CASZ1: variants seen among roughly 807,000 people sequenced by gnomAD.
CASZ1 encodes the protein castor zinc finger 1, also known as zinc finger protein castor homolog 1.
A neutral mutation model predicts 135.2 loss-of-function variants in CASZ1; 28 were observed. That is an observed-to-expected ratio of 0.21 (90% confidence interval 0.15 to 0.28). The LOEUF (loss-of-function observed/expected upper bound fraction) is 0.28. Ranked by LOEUF, CASZ1 falls within the 10% of genes least tolerant of loss-of-function variation. The pLI, the probability that CASZ1 is intolerant of heterozygous loss-of-function variation, is 1.00. For missense variants in CASZ1, 2,161 were observed against 2,453.3 expected, an observed-to-expected ratio of 0.88 and a Z score of 2.52; for synonymous variants, 1,068 against 1,073.4, an observed-to-expected ratio of 0.99 and a Z score of 0.10.
At chr1:10,785,546 T>A (rs1640844365) in intron 1 of CASZ1, among the ~76,000 whole-genome samples, 1 of 152,196 alleles carries the variant, frequency 6.6e-6, no homozygotes, top group Admixed American at 6.5e-5. Context: ...CCTCATGCCC[T>A]TGCTTCCTTA....
rs59054467 is a variant in CASZ1, at chr1:10,636,655, CAAAAAAA to C, written c.*2280_*2286del. 1.8e-5 allele frequency: 2 copies of C among 113,274 alleles called. No homozygotes were observed. Among genetic ancestry groups the C allele is most frequent in the Non-Finnish European group, 3.8e-5 (2 of 53,270 alleles). The allele number at this position is 113,274 out of a possible 1,614,324, so 7.0% of individuals were successfully genotyped here. A position where few individuals can be genotyped will look rare whatever the true frequency, so the allele number is the denominator to read the frequency against. ...AATGTCAAACCTTGCATCAGTCATG[CAAAAAAA>C]AAAAAAAAAATCAAATAAATAAAAC... On this transcript the variant is annotated 3_prime_UTR_variant, in exon 21 of 21. Coordinates refer to ENST00000377022, the MANE Select transcript of CASZ1 (RefSeq NM_001079843.3).
At position 10,685,674 on chromosome 1, in the gene CASZ1, C is replaced by A. The variant is rs549609778; in HGVS notation, c.16+8200G>T. 5.6e-3 allele frequency among the ~76,000 whole-genome samples: 856 copies of A among 151,692 alleles called. 12 individuals are homozygous for A. Among genetic ancestry groups the A allele is most frequent in the African/African-American group, 0.02 (811 of 40,940 alleles). ...GAGCCACTGATCCTCAGCCCCCGGG[C>A]ACGAAGCTGGCCCCGCATGGCCTGC... On this transcript the variant is annotated intron_variant, in intron 4 of 20. Transcript: ENST00000377022.
At position 10,679,057 on chromosome 1, in the gene CASZ1, C is replaced by T. The variant is rs191888622; in HGVS notation, c.17-13486G>A. 1.2e-4 allele frequency among the ~76,000 whole-genome samples: 19 copies of T among 152,294 alleles called. No individual in the cohort carries two copies. In the East Asian group the frequency reaches 1.9e-3, roughly 16 times the overall value. Reference sequence around the variant, plus strand: ...TGGCTATCTCTGGCCTATGCGTGTCCCCTCACTCTCCTCCATCACTGCTCC... The same window carrying T: ...TGGCTATCTCTGGCCTATGCGTGTCTCCTCACTCTCCTCCATCACTGCTCC... On this transcript the variant is annotated intron_variant, in intron 4 of 20. Coordinates refer to ENST00000377022, the MANE Select transcript of CASZ1 (RefSeq NM_001079843.3). This position sits in a 1 kb window ranked among gnomAD's most constrained non-coding sequence, Gnocchi z 4.7.
Position 10,735,203 on chromosome 1 carries a change from T to C in CASZ1, c.-77+25498A>G, listed in dbSNP as rs1374553097. Among the ~76,000 whole-genome samples the C allele has an allele frequency of 1.3e-5, 2 of 152,236 alleles. No homozygotes were observed. The highest frequency in any genetic ancestry group is 1.9e-4 in the East Asian group (1 of 5,206). ...ATTTACGGCATCACAAAATTAGTTG[T>C]CATGGCGACGGGTTAATTACATCTC... On this transcript the variant is annotated intron_variant, in intron 2 of 20. Transcript: ENST00000377022. This position sits in a 1 kb window ranked among gnomAD's most constrained non-coding sequence, Gnocchi z 5.1.
chr1:10,661,980 T>A lies in CASZ1; in HGVS notation c.506-1444A>T, dbSNP rs115811732. ...ACATACACACTCACATAAACCCAGT[T>A]AATTACATGCACACAATCACATACA... is the stretch of plus-strand genomic sequence containing the variant. On this transcript the variant is annotated intron_variant, in intron 5 of 20. Transcript: ENST00000377022. Among the ~76,000 whole-genome samples, 1,136 of 143,002 alleles carry A rather than the reference T, an allele frequency of 7.9e-3. 16 individuals carry two copies. The highest frequency in any genetic ancestry group is 0.028 in the African/African-American group (1,078 of 38,324). 93.8% of individuals were successfully genotyped at this position (143,002 alleles called of 152,430 possible). A position where few individuals can be genotyped will look rare whatever the true frequency, so the allele number is the denominator to read the frequency against.
At position 10,690,222 on chromosome 1, in the gene CASZ1, T is replaced by G. The variant is rs142195188; in HGVS notation, c.16+3652A>C. On this transcript the variant is annotated intron_variant, in intron 4 of 20. Coordinates refer to ENST00000377022, the MANE Select transcript of CASZ1 (RefSeq NM_001079843.3). The stretch of plus-strand genomic sequence containing the variant: ...AGGTCGAAGGTGTAACCAGAGCTAG[T>G]GAGGTTCCTAGAAGCCTCCACACTT... Among the ~76,000 whole-genome samples the G allele has an allele frequency of 6.2e-3, 939 of 152,308 alleles. 6 individuals carry two copies. The highest frequency in any genetic ancestry group is 0.011 in the Non-Finnish European group (728 of 68,016).
At chr1:10,738,805 T>C (rs1176058909) in intron 2 of CASZ1, among the ~76,000 whole-genome samples, 1 of 151,916 alleles carries the variant, frequency 6.6e-6, no homozygotes, top group Admixed American at 6.6e-5. Context: ...CAGTGATCTA[T>C]ATGCAAATAT....
rs1326284962 is a variant in CASZ1 at position 10,719,209 on chromosome 1, C to A, written c.-76-13665G>T. 6.6e-6 allele frequency among the ~76,000 whole-genome samples: 1 copy of A among 152,224 alleles called. No homozygotes were observed. Among genetic ancestry groups the A allele is most frequent in the South Asian group, 2.1e-4 (1 of 4,838 alleles). Reference sequence around the variant, plus strand: ...CTGGGATTACAGGCGTGAGCCACCGCACCCGGCCCCGTGCCCCTTTCTTGT... The same window carrying A: ...CTGGGATTACAGGCGTGAGCCACCGAACCCGGCCCCGTGCCCCTTTCTTGT... On this transcript the variant is annotated intron_variant, in intron 2 of 20. Coordinates refer to ENST00000377022, the MANE Select transcript of CASZ1 (RefSeq NM_001079843.3). The surrounding 1 kb of genome is among the most constrained non-coding windows in gnomAD (Gnocchi z 4.0).
chr1:10,790,257 C>T (rs1640932607), intron 1 of CASZ1, among the ~76,000 whole-genome samples: 1 of 152,258 alleles, frequency 6.6e-6, no homozygotes, highest in Non-Finnish European at 1.5e-5. Flanking sequence ...TTCCAGCCTG[C>T]ACCCTCCCAA....
chr1:10,766,646 T>C (rs958339339), intron 1 of CASZ1, among the ~76,000 whole-genome samples: 2 of 152,190 alleles, frequency 1.3e-5, no homozygotes, highest in Non-Finnish European at 2.9e-5. Context: ...AAGCATTTGA[T>C]AAATCAATCA....
At position 10,776,227 on chromosome 1, in the gene CASZ1, CAT is replaced by C. The variant is rs1557565107; in HGVS notation, c.-233-15372_-233-15371del. ...TATCCAGGGGAAGAGCTAAAATTAA[CAT>C]AGAGCGAGCAGTGTTTGCTATTACA... On this transcript the variant is annotated intron_variant, in intron 1 of 20. Transcript: ENST00000377022. The surrounding 1 kb of genome is among the most constrained non-coding windows in gnomAD (Gnocchi z 4.1). 1.3e-5 allele frequency among the ~76,000 whole-genome samples: 2 copies of C among 152,248 alleles called. No homozygotes were observed. The highest frequency in any genetic ancestry group is 2.9e-5 in the Non-Finnish European group (2 of 68,042).
rs1639237314 is a variant in CASZ1 at position 10,709,300 on chromosome 1, C to T, written c.-76-3756G>A. 6.6e-6 allele frequency among the ~76,000 whole-genome samples: 1 copy of T among 152,312 alleles called. No homozygotes were observed. The highest frequency in any genetic ancestry group is 2.1e-4 in the South Asian group (1 of 4,820). On this transcript the variant is annotated intron_variant, in intron 2 of 20. Coordinates refer to ENST00000377022, the MANE Select transcript of CASZ1 (RefSeq NM_001079843.3). The surrounding 1 kb of genome is among the most constrained non-coding windows in gnomAD (Gnocchi z 5.1). ...CCGCACTCCACTGCGTCTCCTTCCC[C>T]CTGCCCCCAGCCCCATCCTCACGCA...
Position 10,653,647 on chromosome 1 carries a change from T to C in CASZ1, c.2410A>G (p.Ile804Val), listed in dbSNP as rs759771263. The C allele has an allele frequency of 2.6e-6, 4 of 1,552,162 alleles. No individual in the cohort carries two copies. The South Asian group carries it at 3.7e-5, about 14-fold the overall frequency. The stretch of plus-strand genomic sequence containing the variant: ...GAGGTGCTCCCACGGCCAGCCAGTA[T>C]GGGGAAGTAGGGCGTGGGGGTGGGC... ...GLPTPTPYFPILAGRGSTSLP... is the reference protein window; with the variant it reads ...GLPTPTPYFPVLAGRGSTSLP... Residue 804 changes from isoleucine (I) to valine (V), a missense_variant, in exon 11 of 21, where the codon ATA (isoleucine) becomes GTA (valine). This residue lies in a region of CASZ1 where 406 missense variants were observed against 387.6 expected (regional missense o/e 1.05). Transcript: ENST00000377022.
Position 10,697,725 on chromosome 1 carries a change from T to G in CASZ1, c.-23-3813A>C, listed in dbSNP as rs1638966236. On this transcript the variant is annotated intron_variant, in intron 3 of 20. Transcript: ENST00000377022. The surrounding 1 kb of genome is among the most constrained non-coding windows in gnomAD (Gnocchi z 4.7). ...TCATTTTGAATTTGTAACTTTCACA[T>G]AAACTTGAACAAAGCTCCTTTTGTT... is the stretch of plus-strand genomic sequence containing the variant. 6.6e-6 allele frequency among the ~76,000 whole-genome samples: 1 copy of G among 152,190 alleles called. No homozygotes were observed. Among genetic ancestry groups the G allele is most frequent in the Non-Finnish European group, 1.5e-5 (1 of 68,042 alleles).
intron 20 of CASZ1, among the ~76,000 whole-genome samples, chr1:10,641,417 G>C (rs774337312): frequency 5.9e-5 from 9 of 152,216 alleles, no homozygotes; most frequent in Non-Finnish European, 7.3e-5. Flanking sequence ...GTCCGAGCCC[G>C]GGTGGTGTCT....
At chr1:10,743,929 C>A (rs1391343880) in intron 2 of CASZ1, among the ~76,000 whole-genome samples, 1 of 151,788 alleles carries the variant, frequency 6.6e-6, no homozygotes, top group Non-Finnish European at 1.5e-5. Flanking sequence ...AGGGTTCTGA[C>A]CTTCTGTGAA....
rs1420772809 is a variant in CASZ1 at position 10,700,848 on chromosome 1, T to C, written c.-24+4644A>G. Among the ~76,000 whole-genome samples the C allele has an allele frequency of 6.6e-6, 1 of 152,204 alleles. No individual in the cohort carries two copies. Among genetic ancestry groups the C allele is most frequent in the African/African-American group, 2.4e-5 (1 of 41,446 alleles). ...TAGTGGTGATGATGGTACAACCTTG[T>C]GAATATCCTAAAAACCACTGAATTG... On this transcript the variant is annotated intron_variant, in intron 3 of 20. Transcript: ENST00000377022. This position sits in a 1 kb window ranked among gnomAD's most constrained non-coding sequence, Gnocchi z 4.2.
At position 10,721,751 on chromosome 1, in the gene CASZ1, G is replaced by T. The variant is rs1014722931; in HGVS notation, c.-76-16207C>A. On this transcript the variant is annotated intron_variant, in intron 2 of 20. Transcript: ENST00000377022. The surrounding 1 kb of genome is among the most constrained non-coding windows in gnomAD (Gnocchi z 5.4). ...ACGGCCCCAGCCTCTATCGGATCTGGCAGGCCTGGGGAGGCCTCAGGCAGC... is the reference window on the plus strand; with the variant it reads ...ACGGCCCCAGCCTCTATCGGATCTGTCAGGCCTGGGGAGGCCTCAGGCAGC... Among the ~76,000 whole-genome samples, 1 of 152,334 alleles carries T rather than the reference G, an allele frequency of 6.6e-6. No homozygotes were observed. The highest frequency in any genetic ancestry group is 6.5e-5 in the Admixed American group (1 of 15,308).
intron 2 of CASZ1, among the ~76,000 whole-genome samples, chr1:10,716,882 C>T (rs74052172): frequency 0.027 from 4,100 of 152,304 alleles, 178 homozygotes; most frequent in African/African-American, 0.088. Flanking sequence ...TTGTACAGAG[C>T]GGGGGTCCCT....
Sources: gnomAD v4.1 joint callset for allele counts (sites outside exome capture counted in the v4.1 genomes callset) on GRCh38, gnomAD v4.1.1 for gene constraint, gnomAD v4.1.1 regional missense constraint, Gnocchi (gnomAD v3.1) non-coding constraint, MANE v1.5 for transcripts, NCBI Gene and HGNC (gene_info 2026-07-23, HGNC 2026-07-21) for gene names.